GARNL3: variants seen among roughly 807,000 people sequenced by gnomAD.
GARNL3 encodes GTPase-activating Rap/Ran-GAP domain-like protein 3.
In GARNL3, 63 loss-of-function variants were observed where a neutral mutation model predicts 125.0. The observed-to-expected ratio is 0.50, with a 90% CI of 0.41 to 0.62. The LOEUF (loss-of-function observed/expected upper bound fraction) is 0.62, where lower values mean the gene tolerates loss of function less well. Ranked by LOEUF, GARNL3 falls within the 20% of genes least tolerant of loss-of-function variation. GARNL3 has a pLI of 0.00. For missense variants in GARNL3, 994 were observed against 1,244.0 expected (o/e 0.80, Z 3.02); for synonymous variants, 439 against 457.5 (o/e 0.96, Z 0.52).
intron 1 of GARNL3, among the ~76,000 whole-genome samples, chr9:127,290,143 G>A (rs773785293): frequency 5.9e-5 from 9 of 152,092 alleles, no homozygotes; most frequent in South Asian, 2.1e-4. Context: ...AGAATTAAAC[G>A]AGATAATACA....
chr9:127,296,764 C>A (rs1347276730), intron 2 of GARNL3, among the ~76,000 whole-genome samples: 4 of 151,786 alleles, frequency 2.6e-5, no homozygotes, highest in African/African-American at 7.3e-5. Context: ...AACCACCACG[C>A]CTGGCCAGGT....
chr9:127,290,334 C>T (rs918927596), intron 1 of GARNL3, among the ~76,000 whole-genome samples: 2 of 152,040 alleles, frequency 1.3e-5, no homozygotes, highest in Admixed American at 6.5e-5. Flanking sequence ...CTAGTGAAAA[C>T]GTGAGGTAAC....
intron 7 of GARNL3, among the ~76,000 whole-genome samples, chr9:127,329,625 T>C (rs1829100376): frequency 1.3e-5 from 2 of 151,990 alleles, no homozygotes; most frequent in Non-Finnish European, 2.9e-5. Context: ...TTTAAAAGCA[T>C]TGGCCAGTGA....
intron 10 of GARNL3, 121 bp from the exon 11 acceptor site, chr9:127,336,007 C>A (rs1829532274): frequency 4.3e-6 from 3 of 692,950 alleles, no homozygotes; most frequent in Non-Finnish European, 7.2e-6. Context: ...TCAAAGATGT[C>A]TGAAGTTCAG....
rs1344109791 is a variant in GARNL3, at chr9:127,280,537, G to C, written c.145-10631G>C. Among the ~76,000 whole-genome samples, 3 of 152,194 alleles carry C rather than the reference G, an allele frequency of 2.0e-5. No homozygotes were observed. The highest frequency in any genetic ancestry group is 1.5e-5 in the Non-Finnish European group (1 of 68,040). On this transcript the variant is annotated intron_variant, in intron 1 of 27. Transcript: ENST00000373387. This position sits in a 1 kb window ranked among gnomAD's most constrained non-coding sequence, Gnocchi z 4.5. ...TCCATAATTACCACAGATTTGTTCTGTTCCAAGCAACAAAGCCAGACACCA... is the reference window on the plus strand; with the variant it reads ...TCCATAATTACCACAGATTTGTTCTCTTCCAAGCAACAAAGCCAGACACCA...
At chr9:127,382,035 T>C (rs1283989478) in intron 22 of GARNL3, among the ~76,000 whole-genome samples, 1 of 152,194 alleles carries the variant, frequency 6.6e-6, no homozygotes, top group Non-Finnish European at 1.5e-5. Context: ...GCTCGGTGGC[T>C]CATGCCTGTA....
chr9:127,306,770 C>T (rs1050442407), intron 2 of GARNL3, among the ~76,000 whole-genome samples: 10 of 151,766 alleles, frequency 6.6e-5, no homozygotes, highest in Non-Finnish European at 8.8e-5. Flanking sequence ...ACCTGTAATC[C>T]TATCTACTCG....
chr9:127,321,839 G>A (rs2065414598), intron 6 of GARNL3, among the ~76,000 whole-genome samples: 1 of 152,124 alleles, frequency 6.6e-6, no homozygotes, highest in South Asian at 2.1e-4. Flanking sequence ...CTTTAAGCAG[G>A]GAGCATCGTG....
intron 1 of GARNL3, among the ~76,000 whole-genome samples, chr9:127,281,544 C>T (rs1005524679): frequency 1.3e-5 from 2 of 152,188 alleles, no homozygotes; most frequent in Admixed American, 6.5e-5. Flanking sequence ...CCCGGATCTC[C>T]CTGTCCCCCG....
intron 2 of GARNL3, among the ~76,000 whole-genome samples, chr9:127,308,915 G>A (rs1425521359): frequency 1.3e-5 from 2 of 152,186 alleles, no homozygotes; most frequent in African/African-American, 4.8e-5. Flanking sequence ...GTGAACAAAT[G>A]AGCCAGTGGG....
chr9:127,248,868 C>G (rs1159535931), intron 2 of GARNL3, among the ~76,000 whole-genome samples: 1 of 152,014 alleles, frequency 6.6e-6, no homozygotes, highest in Non-Finnish European at 1.5e-5. Context: ...GCCTCAGCCT[C>G]CCAAAGTGCT....
At chr9:127,291,800 T>C (rs2064429257) in intron 2 of GARNL3, among the ~76,000 whole-genome samples, 2 of 143,532 alleles carry the variant, frequency 1.4e-5, no homozygotes, top group South Asian at 2.2e-4. Context: ...CTGCAGAGTA[T>C]GGCAAAAACT....
At chr9:127,341,606 G>A (rs1159755111) in intron 13 of GARNL3, among the ~76,000 whole-genome samples, 2 of 152,172 alleles carry the variant, frequency 1.3e-5, no homozygotes, top group Non-Finnish European at 2.9e-5. Context: ...TGGCAGCATG[G>A]GGCTCAGGAA....
chr9:127,383,306 G>T, intron 22 of GARNL3, 132 bp from the exon 23 acceptor site: 1 of 567,836 alleles, frequency 1.8e-6, no homozygotes, highest in Non-Finnish European at 3.2e-6. Context: ...CATCATGGCG[G>T]TATTCATACT....
At chr9:127,233,606 G>A (rs948224515) in intron 1 of GARNL3, among the ~76,000 whole-genome samples, 7 of 152,166 alleles carry the variant, frequency 4.6e-5, no homozygotes, top group Non-Finnish European at 7.3e-5. Context: ...TGCTTGCTAA[G>A]TTTAGCCATT....
At chr9:127,288,118 G>T (rs1031985453) in intron 1 of GARNL3, among the ~76,000 whole-genome samples, 1 of 152,194 alleles carries the variant, frequency 6.6e-6, no homozygotes, top group Non-Finnish European at 1.5e-5. Context: ...CGGAGAGAGC[G>T]CCTGAGGAAA....
intron 22 of GARNL3, among the ~76,000 whole-genome samples, chr9:127,378,026 A>C (rs1005382686): frequency 6.6e-6 from 1 of 151,748 alleles, no homozygotes; most frequent in Non-Finnish European, 1.5e-5. Context: ...AGATCACTTG[A>C]GCTCAGGAGT....
At chr9:127,349,090 T>A in intron 17 of GARNL3, 55 bp downstream of exon 17, 2 of 1,226,512 alleles carry the variant, frequency 1.6e-6, no homozygotes, top group Non-Finnish European at 2.4e-6. Context: ...GTAGTACTTC[T>A]AAGATGAGTG....
rs539047144 is a variant in GARNL3 at position 127,349,520 on chromosome 9, C to A, written c.1543+485C>A. ...GGATATAGAAACAAAAAGATTTTGA[C>A]AAGGAGACAGATTCCAGCTCAATAT... On this transcript the variant is annotated intron_variant, in intron 17 of 27. Coordinates refer to ENST00000373387, the MANE Select transcript of GARNL3 (RefSeq NM_032293.5). 2.6e-5 allele frequency among the ~76,000 whole-genome samples: 4 copies of A among 152,142 alleles called. No homozygotes were observed. In the South Asian group the frequency reaches 8.3e-4, roughly 32 times the overall value.
Sources: allele counts gnomAD v4.1 joint callset (sites outside exome capture counted in the v4.1 genomes callset), GRCh38; gene constraint gnomAD v4.1.1; non-coding constraint Gnocchi (gnomAD v3.1); transcripts MANE v1.5; gene names NCBI Gene and HGNC (gene_info 2026-07-23, HGNC 2026-07-21).